Variants in NKAPD1 observed in about 807,000 individuals in gnomAD.
The protein encoded by NKAPD1 is uncharacterized protein NKAPD1.
In NKAPD1, 12 loss-of-function variants were observed where a neutral mutation model predicts 30.9. The ratio of observed to expected loss-of-function variants is 0.39; its 90% CI spans 0.25 to 0.63. The LOEUF (loss-of-function observed/expected upper bound fraction) is 0.63, where lower values mean the gene tolerates loss of function less well. Among genes scored for constraint, NKAPD1 ranks in the 20% least tolerant of loss-of-function variants. NKAPD1 has a pLI of 0.51. For synonymous variants in NKAPD1, 91 were observed against 113.6 expected, an observed-to-expected ratio of 0.80 and a Z score of 1.26; for missense variants, 311 against 344.5, an observed-to-expected ratio of 0.90 and a Z score of 0.77.
At chr11:112,080,790 C>T (rs544689229) in intron 4 of NKAPD1, 11 of 489,990 alleles carry the variant, frequency 2.2e-5, no homozygotes, top group African/African-American at 2.1e-4. Context: ...AAATGAAGTA[C>T]AGATACATGT....
chr11:112,080,637 A>T (rs2135250120), intron 4 of NKAPD1, 79 bp downstream of exon 4: 5 of 1,514,032 alleles, frequency 3.3e-6, no homozygotes, highest in Non-Finnish European at 3.6e-6. Flanking sequence ...CCCACAAAAA[A>T]CTTGTGTACA....
intron 3 of NKAPD1, 131 bp downstream of exon 3, chr11:112,078,446 A>C (rs1408364542): frequency 1.2e-5 from 9 of 730,934 alleles, no homozygotes; most frequent in Non-Finnish European, 1.9e-5. Flanking sequence ...TTCTTTCGTA[A>C]ATCTAGACCC....
In NKAPD1 at chr11:112,082,695, A is replaced by C. The variant is rs145397072; in HGVS notation, c.605A>C (p.Gln202Pro). 5.9e-4 allele frequency: 947 copies of C among 1,614,118 alleles called. 1 individual carries two copies. The East Asian group carries it at 7.3e-3, about 12-fold the overall frequency. The change falls in exon 6 of 6, where the codon CAA (glutamine) becomes CCA (proline). Residue 202 changes from glutamine (Q) to proline (P), a missense_variant. Physicochemically the swap from Gln to Pro is moderately conservative, Grantham distance 76. Transcript: ENST00000393047. ...TGASGTRKGK[Q>P]PHKRKKKSRK... ...GCTTCTGGTACAAGGAAAGGGAAACAACCACATAAACGCAAGAAAAAATCC... is the reference window on the plus strand; with the variant it reads ...GCTTCTGGTACAAGGAAAGGGAAACCACCACATAAACGCAAGAAAAAATCC...
At position 112,074,445 on chromosome 11, in the gene NKAPD1, T is replaced by C. The variant is rs1555185308; in HGVS notation, c.-480T>C. On this transcript the variant is annotated 5_prime_UTR_variant, in exon 1 of 6. Transcript: ENST00000393047. ...CTCCGAGGCCGCTGGGGAACAGGGA[T>C]CCCGGTGACAAAGATGGGGATATTT... The C allele has an allele frequency of 2.5e-6, 1 of 399,072 alleles. No homozygotes were observed. Among genetic ancestry groups the C allele is most frequent in the Non-Finnish European group, 4.4e-6 (1 of 226,218 alleles). 24.7% of individuals were successfully genotyped at this position (399,072 alleles called of 1,614,324 possible). A position where few individuals can be genotyped will look rare whatever the true frequency, so the allele number is the denominator to read the frequency against.
chr11:112,082,150 C>T, intron 5 of NKAPD1, 115 bp downstream of exon 5: 1 of 890,104 alleles, frequency 1.1e-6, no homozygotes, highest in Non-Finnish European at 1.7e-6. Flanking sequence ...GCTAGAGAAA[C>T]AATAGGTGAT....
chr11:112,077,816 A>G (rs887249660), intron 2 of NKAPD1, among the ~76,000 whole-genome samples: 1 of 150,128 alleles, frequency 6.7e-6, no homozygotes, highest in African/African-American at 2.4e-5. Flanking sequence ...ATAATTAGTC[A>G]GATTGTATTT....
Position 112,078,227 on chromosome 11 carries a change from T to A in NKAPD1, c.82T>A (p.Ser28Thr). 9 of 1,608,140 alleles carry A rather than the reference T, an allele frequency of 5.6e-6. No homozygotes were observed. The highest frequency in any genetic ancestry group is 6.8e-6 in the Non-Finnish European group (8 of 1,177,102). ...TTAAAAATTCTAGATTCAGGAGGAATCAGATATGTGGAAAATAAGAGAACT... is the reference window on the plus strand; with the variant it reads ...TTAAAAATTCTAGATTCAGGAGGAAACAGATATGTGGAAAATAAGAGAACT... Reference protein sequence around the residue: ...TDAHNKIQEESDMWKIRELEK... With the variant: ...TDAHNKIQEETDMWKIRELEK... The change falls in exon 3 of 6, where the codon TCA (serine) becomes ACA (threonine). Residue 28 changes from serine to threonine, a missense_variant. Physicochemically the swap from Ser to Thr is moderately conservative, Grantham distance 58. Transcript: ENST00000393047.
Position 112,074,628 on chromosome 11 carries a change from T to C in NKAPD1, c.-297T>C, listed in dbSNP as rs1319407906. 3 of 397,008 alleles carry C rather than the reference T, an allele frequency of 7.6e-6. No individual in the cohort carries two copies. Among genetic ancestry groups the C allele is most frequent in the African/African-American group, 4.1e-5 (2 of 48,594 alleles). 24.6% of individuals were successfully genotyped at this position (397,008 alleles called of 1,614,324 possible). On this transcript the variant is annotated 5_prime_UTR_variant, in exon 1 of 6. An upstream start codon of the reference 5' UTR is lost. Transcript: ENST00000393047. ...GTCCTAGAGGAGCGTGAGCGGGGAATGCCCAGGTCAACCGGGCTGTCCGAA... is the reference window on the plus strand; with the variant it reads ...GTCCTAGAGGAGCGTGAGCGGGGAACGCCCAGGTCAACCGGGCTGTCCGAA...
Position 112,079,302 on chromosome 11 carries a change from C to T in NKAPD1, c.170+987C>T, listed in dbSNP as rs923831605. ...CTGGGATTACAGGCACCTGCCACCA[C>T]GCCTGGCTAATTTTTGTATTTTTAG... On this transcript the variant is annotated intron_variant, in intron 3 of 5. Transcript: ENST00000393047. 7.9e-5 allele frequency among the ~76,000 whole-genome samples: 12 copies of T among 152,098 alleles called. No homozygotes were observed. The South Asian group carries it at 8.3e-4, about 11-fold the overall frequency.
chr11:112,080,035 G>C (rs1865412547), intron 3 of NKAPD1, among the ~76,000 whole-genome samples: 1 of 151,972 alleles, frequency 6.6e-6, no homozygotes, highest in Non-Finnish European at 1.5e-5. Flanking sequence ...GGCTGGTCTT[G>C]AACTCCTGAC....
chr11:112,081,381 C>A (rs932371193), intron 4 of NKAPD1: 1 of 151,878 alleles, frequency 6.6e-6, no homozygotes. Flanking sequence ...TGCTTGTAAT[C>A]CCAGCACTTT....
In NKAPD1 at chr11:112,082,602, A is replaced by G; in HGVS notation, c.512A>G (p.Lys171Arg). Reference sequence around the variant, plus strand: ...AAAAAAAGGTCACACAAAAAACAGAAGAAAAGCAAAAAGGAAGCCACAGAT... The same window carrying G: ...AAAAAAAGGTCACACAAAAAACAGAGGAAAAGCAAAAAGGAAGCCACAGAT... ...KQKKRSHKKQ[K>R]KSKKEATDIT... The change falls in exon 6 of 6, where the codon AAG (lysine) becomes AGG (arginine). Residue 171 changes from lysine to arginine, a missense_variant. By Grantham distance (26) the Lys-to-Arg change is conservative (BLOSUM62 2). Coordinates refer to ENST00000393047, the MANE Select transcript of NKAPD1 (RefSeq NM_018195.4). The G allele has an allele frequency of 6.2e-7, 1 of 1,613,458 alleles. No individual in the cohort carries two copies. The highest frequency in any genetic ancestry group is 8.5e-7 in the Non-Finnish European group (1 of 1,179,940).
chr11:112,075,311 G>A (rs903861352), intron 1 of NKAPD1, among the ~76,000 whole-genome samples: 2 of 152,158 alleles, frequency 1.3e-5, no homozygotes, highest in African/African-American at 2.4e-5. Flanking sequence ...ATAAAATGGT[G>A]CTCATGAAAG....
chr11:112,082,897 G>C lies in NKAPD1; in HGVS notation c.807G>C (p.Gln269His). Reference sequence around the variant, plus strand: ...CCTCTGTAGCCAACAATGAAATACAGGAGAGGACAAACAAACGCACAAATT... The same window carrying C: ...CCTCTGTAGCCAACAATGAAATACACGAGAGGACAAACAAACGCACAAATT... ...AHTSVANNEI[Q>H]ERTNKRTNWK... The change falls in exon 6 of 6, where the codon CAG becomes CAC. Residue 269 changes from glutamine (Q) to histidine (H), a missense_variant. Transcript: ENST00000393047. 6.2e-7 allele frequency: 1 copy of C among 1,611,710 alleles called. No individual in the cohort carries two copies. The highest frequency in any genetic ancestry group is 1.3e-5 in the African/African-American group (1 of 74,648).
At position 112,074,335 on chromosome 11, in the gene NKAPD1, C is replaced by T. The variant is rs573820019; in HGVS notation, c.-590C>T. ...AAACCACTTCTTCCCCCCTACCCCC[C>T]GCCACGCGAGGCTGCGGCGCACGGT... On this transcript the variant is annotated 5_prime_UTR_variant, in exon 1 of 6. Transcript: ENST00000393047. 5.0e-6 allele frequency: 2 copies of T among 399,146 alleles called. No homozygotes were observed. The highest frequency in any genetic ancestry group is 2.1e-5 in the African/African-American group (1 of 48,632). 24.7% of individuals were successfully genotyped at this position (399,146 alleles called of 1,614,324 possible). A position where few individuals can be genotyped will look rare whatever the true frequency, so the allele number is the denominator to read the frequency against.
Position 112,082,465 on chromosome 11 carries a change from T to G in NKAPD1, c.375T>G (p.Ser125Arg). The G allele has an allele frequency of 6.4e-7, 1 of 1,568,058 alleles. No homozygotes were observed. The highest frequency in any genetic ancestry group is 2.2e-5 in the East Asian group (1 of 44,582). ...ELYPEEFETD[S>R]SDQQDITNGK... ...TCTATTTTTTAACTTTTCTTATTAG[T>G]AGTGATCAGCAAGATATTACCAACG... The change falls in exon 6 of 6, where the codon AGT (serine) becomes AGG (arginine). Residue 125 changes from serine to arginine, a missense_variant and splice_region_variant. Transcript: ENST00000393047.
At chr11:112,078,856 T>C (rs1263393440) in intron 3 of NKAPD1, among the ~76,000 whole-genome samples, 1 of 152,130 alleles carries the variant, frequency 6.6e-6, no homozygotes, top group Non-Finnish European at 1.5e-5. Flanking sequence ...GCCTCAGACT[T>C]TTCTTCACCC....
chr11:112,080,779 GAA>G (rs574215754), intron 4 of NKAPD1: 107 of 518,682 alleles, frequency 2.1e-4, no homozygotes, highest in African/African-American at 1.8e-3. Flanking sequence ...GGCAGTAAAA[GAA>G]ATGAAGTACA....
intron 5 of NKAPD1, 81 bp downstream of exon 5, chr11:112,082,116 A>G: frequency 8.4e-7 from 1 of 1,189,316 alleles, no homozygotes; most frequent in Non-Finnish European, 1.2e-6. Context: ...TTTTACGAAG[A>G]ATATACTTGC....
Sources: gnomAD v4.1 joint callset for allele counts (sites outside exome capture counted in the v4.1 genomes callset) on GRCh38, gnomAD v4.1.1 for gene constraint, MANE v1.5 for transcripts, NCBI Gene and HGNC (gene_info 2026-07-23, HGNC 2026-07-21) for gene names.